Variants in CLSTN2 observed in about 807,000 individuals in gnomAD.
The protein encoded by CLSTN2 is calsyntenin-2.
Under a neutral mutation model 101.2 loss-of-function variants are expected in CLSTN2, and 48 were observed. The observed-to-expected ratio is 0.47, with a 90% CI of 0.38 to 0.60. The LOEUF is 0.60. Among genes scored for constraint, CLSTN2 ranks in the 20% least tolerant of loss-of-function variants. CLSTN2 has a pLI of 0.00. For missense variants in CLSTN2, 1,160 were observed against 1,238.2 expected (o/e 0.94, Z 0.95); for synonymous variants, 481 against 463.6 (o/e 1.04, Z -0.48).
rs187775784 is a variant in CLSTN2, at chr3:140,392,138, G to T, written c.233-11491G>T. Among the ~76,000 whole-genome samples the T allele has an allele frequency of 2.0e-5, 3 of 151,002 alleles. No homozygotes were observed. In the East Asian group the frequency reaches 5.8e-4, roughly 29 times the overall value. ...TTTTAATGATATGTGCTGTTGATTA[G>T]GTAGAGCAGCAGTATCCAACAGAAA... On this transcript the variant is annotated intron_variant, in intron 2 of 16. Transcript: ENST00000458420.
intron 2 of CLSTN2, among the ~76,000 whole-genome samples, chr3:140,274,652 G>T (rs998121016): frequency 6.6e-6 from 1 of 152,144 alleles, no homozygotes. Flanking sequence ...ATTAGTGTAA[G>T]TAGCATCTTG....
chr3:140,178,458 T>C (rs1429264455), intron 2 of CLSTN2, among the ~76,000 whole-genome samples: 2 of 152,216 alleles, frequency 1.3e-5, no homozygotes, highest in African/African-American at 4.8e-5. Flanking sequence ...CTTGAAACCA[T>C]AGTTTCCTTC....
chr3:140,526,753 A>G (rs1935150425), intron 8 of CLSTN2, among the ~76,000 whole-genome samples: 2 of 152,212 alleles, frequency 1.3e-5, no homozygotes, highest in South Asian at 4.1e-4. Flanking sequence ...GACCAATGGA[A>G]CAGAATACAG....
chr3:140,309,205 G>A (rs548060691), intron 2 of CLSTN2, among the ~76,000 whole-genome samples: 15 of 152,214 alleles, frequency 9.9e-5, no homozygotes, highest in Admixed American at 5.9e-4. Context: ...TAGGGTCCTG[G>A]GAACATGTCA....
At chr3:140,370,735 T>C (rs189846734) in intron 2 of CLSTN2, among the ~76,000 whole-genome samples, 1 of 152,276 alleles carries the variant, frequency 6.6e-6, no homozygotes, top group African/African-American at 2.4e-5. Flanking sequence ...AGAACAAATA[T>C]ACATTTCAAG....
At chr3:139,998,702 A>G (rs1033310037) in intron 1 of CLSTN2, among the ~76,000 whole-genome samples, 1 of 152,114 alleles carries the variant, frequency 6.6e-6, no homozygotes, top group African/African-American at 2.4e-5. Flanking sequence ...CACAAGCTCA[A>G]TAAAGAGTGG....
At chr3:140,124,531 G>A (rs975363917) in intron 1 of CLSTN2, among the ~76,000 whole-genome samples, 1 of 152,194 alleles carries the variant, frequency 6.6e-6, no homozygotes, top group Non-Finnish European at 1.5e-5. Flanking sequence ...CCTTGCTGAT[G>A]AATGAGATTT....
intron 2 of CLSTN2, among the ~76,000 whole-genome samples, chr3:140,342,877 A>G (rs1209878550): frequency 1.3e-5 from 2 of 152,150 alleles, no homozygotes; most frequent in Non-Finnish European, 2.9e-5. Context: ...GCCTCAGGGC[A>G]CTCAGATGCT....
intron 1 of CLSTN2, among the ~76,000 whole-genome samples, chr3:140,030,002 C>G (rs76659616): frequency 0.044 from 6,668 of 152,256 alleles, 179 homozygotes; most frequent in Non-Finnish European, 0.064. Flanking sequence ...TCAGCTGATT[C>G]TCTTCGCATC....
At chr3:140,104,130 A>T (rs1182742304) in intron 1 of CLSTN2, among the ~76,000 whole-genome samples, 1 of 152,216 alleles carries the variant, frequency 6.6e-6, no homozygotes, top group African/African-American at 2.4e-5. Context: ...ATTCACTATC[A>T]TGCAGTTAGT....
rs561650740 is a variant in CLSTN2 at position 140,441,416 on chromosome 3, A to T, written c.788-7103A>T. ...AATAGCCCATGTTTCTTAACCACTC[A>T]TTGTATGTCAGGCACTCTGCTAAGC... On this transcript the variant is annotated intron_variant, in intron 5 of 16. Transcript: ENST00000458420. Among the ~76,000 whole-genome samples, 6 of 152,330 alleles carry T rather than the reference A, an allele frequency of 3.9e-5. No homozygotes were observed. The South Asian group carries it at 1.2e-3, about 32-fold the overall frequency.
chr3:140,498,089 A>T (rs1290322565), intron 8 of CLSTN2, among the ~76,000 whole-genome samples: 1 of 152,182 alleles, frequency 6.6e-6, no homozygotes, highest in Non-Finnish European at 1.5e-5. Flanking sequence ...TTCATTCTCT[A>T]TGCGACATGG....
In CLSTN2 at chr3:140,570,126, A is replaced by G. The variant is rs1304084703; in HGVS notation, c.*3873A>G. On this transcript the variant is annotated 3_prime_UTR_variant, in exon 17 of 17. Coordinates refer to ENST00000458420, the MANE Select transcript of CLSTN2 (RefSeq NM_022131.3). ...GTGAGAAGCAATGTCCCCCATTCCT[A>G]TATGTCAGGTGTCAGCAAACTATCT... 6.6e-6 allele frequency: 1 copy of G among 152,120 alleles called. No homozygotes were observed. Among genetic ancestry groups the G allele is most frequent in the Non-Finnish European group, 1.5e-5 (1 of 68,034 alleles). The allele number at this position is 152,120 out of a possible 1,614,324, so 9.4% of individuals were successfully genotyped here.
intron 5 of CLSTN2, among the ~76,000 whole-genome samples, chr3:140,427,312 T>G (rs921407282): frequency 6.7e-6 from 1 of 149,880 alleles, no homozygotes; most frequent in Non-Finnish European, 1.5e-5. Flanking sequence ...ATAGACTCAG[T>G]GGACCATGGT....
intron 2 of CLSTN2, among the ~76,000 whole-genome samples, chr3:140,301,187 T>A (rs2087055005): frequency 6.6e-6 from 1 of 152,182 alleles, no homozygotes; most frequent in South Asian, 2.1e-4. Flanking sequence ...GAAATAATGT[T>A]TAGTCTGGGC....
chr3:140,177,021 A>G (rs1576456544), intron 2 of CLSTN2, among the ~76,000 whole-genome samples: 1 of 152,330 alleles, frequency 6.6e-6, no homozygotes, highest in East Asian at 1.9e-4. Flanking sequence ...TTGTGAAGAC[A>G]TCTTTCATTA....
chr3:140,005,189 G>A (rs545544670), intron 1 of CLSTN2, among the ~76,000 whole-genome samples: 2 of 152,312 alleles, frequency 1.3e-5, no homozygotes, highest in East Asian at 1.9e-4. Flanking sequence ...CTCTGAGGAG[G>A]ACAGTGTCCA....
chr3:139,951,681 G>A lies in CLSTN2; in HGVS notation c.109+16198G>A, dbSNP rs1935298035. On this transcript the variant is annotated intron_variant, in intron 1 of 16. Transcript: ENST00000458420. ...TGGACTAAGTCTTCTTAACAAAAAA[G>A]AAATGAAAAGCTATGAATTGGGCTG... 2.6e-5 allele frequency among the ~76,000 whole-genome samples: 4 copies of A among 152,252 alleles called. No homozygotes were observed. In the South Asian group the frequency reaches 8.3e-4, roughly 32 times the overall value.
chr3:140,319,832 C>T (rs561042458), intron 2 of CLSTN2, among the ~76,000 whole-genome samples: 2 of 152,370 alleles, frequency 1.3e-5, no homozygotes, highest in African/African-American at 2.4e-5. Context: ...GAAACATGCC[C>T]CAGGCACAGC....
Sources: gnomAD v4.1 joint callset for allele counts (sites outside exome capture counted in the v4.1 genomes callset) on GRCh38, gnomAD v4.1.1 for gene constraint, MANE v1.5 for transcripts, NCBI Gene and HGNC (gene_info 2026-07-23, HGNC 2026-07-21) for gene names.